MACROD2: variants seen among roughly 807,000 people sequenced by gnomAD.
MACROD2 encodes ADP-ribose glycohydrolase MACROD2.
In MACROD2, 36 loss-of-function variants were observed where a neutral mutation model predicts 70.4. The observed-to-expected ratio is 0.51, with a 90% CI of 0.39 to 0.68. The LOEUF (loss-of-function observed/expected upper bound fraction) is 0.68, where lower values mean the gene tolerates loss of function less well. Among genes scored for constraint, MACROD2 ranks in the 30% least tolerant of loss-of-function variants. The pLI, the probability that MACROD2 is intolerant of heterozygous loss-of-function variation, is 0.00. For synonymous variants in MACROD2, 172 were observed against 178.8 expected (o/e 0.96, Z 0.30); for missense variants, 496 against 538.4 (o/e 0.92, Z 0.78).
intron 3 of MACROD2, among the ~76,000 whole-genome samples, chr20:14,485,164 A>G (rs1429023374): frequency 6.6e-6 from 1 of 152,168 alleles, no homozygotes; most frequent in South Asian, 2.1e-4. Context: ...ACACACATAC[A>G]CAGACACACA....
chr20:15,620,239 G>T (rs1459374848), intron 8 of MACROD2, among the ~76,000 whole-genome samples: 1 of 152,132 alleles, frequency 6.6e-6, no homozygotes, highest in Non-Finnish European at 1.5e-5. Context: ...AAGAAGGAAC[G>T]AATGAGTGTG....
chr20:14,030,698 G>A (rs1329400728), intron 2 of MACROD2, among the ~76,000 whole-genome samples: 1 of 152,060 alleles, frequency 6.6e-6, no homozygotes, highest in Non-Finnish European at 1.5e-5. Context: ...GTATGAGCCA[G>A]AATTTTATTT....
At chr20:15,041,046 G>T (rs2075352418) in intron 5 of MACROD2, among the ~76,000 whole-genome samples, 1 of 152,132 alleles carries the variant, frequency 6.6e-6, no homozygotes, top group African/African-American at 2.4e-5. Flanking sequence ...GGTATGACTT[G>T]TTATATGGAT....
chr20:15,095,080 T>C (rs1414947534), intron 5 of MACROD2, among the ~76,000 whole-genome samples: 2 of 93,020 alleles, frequency 2.2e-5, no homozygotes, highest in Admixed American at 1.2e-4. Flanking sequence ...TTTTTTTTTT[T>C]TTTTTTTTTT....
chr20:15,163,362 T>C (rs2076361414), intron 5 of MACROD2, among the ~76,000 whole-genome samples: 1 of 150,386 alleles, frequency 6.6e-6, no homozygotes, highest in Non-Finnish European at 1.5e-5. Flanking sequence ...TTTAAAAAGA[T>C]ATGATGTTAT....
chr20:14,393,771 A>G (rs761648276), intron 3 of MACROD2, among the ~76,000 whole-genome samples: 5 of 152,158 alleles, frequency 3.3e-5, no homozygotes, highest in Non-Finnish European at 7.4e-5. Flanking sequence ...CCCAGAATTC[A>G]TGTGTTGAAG....
intron 3 of MACROD2, among the ~76,000 whole-genome samples, chr20:14,247,300 G>T (rs945272629): frequency 2.6e-5 from 4 of 152,192 alleles, no homozygotes; most frequent in African/African-American, 9.7e-5. Context: ...CTAATAGATG[G>T]AAGGGTGGAA....
intron 5 of MACROD2, among the ~76,000 whole-genome samples, chr20:15,199,350 C>A (rs936882805): frequency 6.6e-6 from 1 of 152,000 alleles, no homozygotes; most frequent in Non-Finnish European, 1.5e-5. Context: ...GAAAAAGATC[C>A]TGTCTCAAAA....
chr20:14,603,747 A>T (rs1011754155), intron 4 of MACROD2, among the ~76,000 whole-genome samples: 1 of 152,194 alleles, frequency 6.6e-6, no homozygotes, highest in African/African-American at 2.4e-5. Flanking sequence ...ATTGTCATCA[A>T]TATTTCACAG....
chr20:15,207,005 G>T (rs1405823069), intron 5 of MACROD2, among the ~76,000 whole-genome samples: 1 of 151,810 alleles, frequency 6.6e-6, no homozygotes, highest in Non-Finnish European at 1.5e-5. Flanking sequence ...CAAAGTGCTG[G>T]GATTACAGGC....
intron 2 of MACROD2, among the ~76,000 whole-genome samples, chr20:14,074,418 T>C (rs889660050): frequency 1.5e-4 from 23 of 152,326 alleles, no homozygotes; most frequent in Admixed American, 1.4e-3. Context: ...TCCTGACTGA[T>C]TGATCTGGGA....
chr20:14,643,423 C>T (rs1326562361), intron 4 of MACROD2, among the ~76,000 whole-genome samples: 16 of 152,148 alleles, frequency 1.1e-4, no homozygotes, highest in Non-Finnish European at 2.9e-5. Flanking sequence ...TGTGATAACT[C>T]ATACCTGGCA....
chr20:14,194,925 A>G (rs975245107), intron 3 of MACROD2, among the ~76,000 whole-genome samples: 2 of 152,180 alleles, frequency 1.3e-5, no homozygotes, highest in Non-Finnish European at 2.9e-5. Context: ...AATATTACCA[A>G]ATCTAACCTG....
intron 12 of MACROD2, among the ~76,000 whole-genome samples, chr20:15,946,576 A>G (rs998537750): frequency 3.3e-5 from 5 of 152,198 alleles, no homozygotes; most frequent in African/African-American, 1.2e-4. Flanking sequence ...TATCAATATT[A>G]GTTATATACT....
intron 6 of MACROD2, among the ~76,000 whole-genome samples, chr20:15,264,969 G>C (rs900549628): frequency 2.6e-5 from 4 of 152,066 alleles, no homozygotes; most frequent in African/African-American, 4.8e-5. Flanking sequence ...ATACTTCTGG[G>C]TATTGTTTTC....
intron 5 of MACROD2, among the ~76,000 whole-genome samples, chr20:14,778,547 A>G (rs73264643): frequency 0.13 from 20,039 of 152,094 alleles, 2,503 homozygotes; most frequent in African/African-American, 0.33. Flanking sequence ...ATGAATTCAG[A>G]AGGCTCTCAG....
chr20:15,955,201 C>T (rs937406988), intron 12 of MACROD2, among the ~76,000 whole-genome samples: 2 of 152,006 alleles, frequency 1.3e-5, no homozygotes, highest in African/African-American at 4.8e-5. Context: ...ATCAGAAGAC[C>T]TATTTTAGGT....
intron 5 of MACROD2, among the ~76,000 whole-genome samples, chr20:15,111,919 C>A (rs546989596): frequency 1.4e-4 from 22 of 152,334 alleles, no homozygotes; most frequent in African/African-American, 5.0e-4. Context: ...CTAATGCAAG[C>A]TCTTGAAAAC....
Position 15,322,073 on chromosome 20 carries a change from G to T in MACROD2, c.540+92012G>T, listed in dbSNP as rs1036628896. On this transcript the variant is annotated intron_variant, in intron 6 of 17. Transcript: ENST00000684519. ...CCCAAAGTGCTGGGATTACAGGCATGAGCCACTGCACCCGGCCACTACACA... is the reference window on the plus strand; with the variant it reads ...CCCAAAGTGCTGGGATTACAGGCATTAGCCACTGCACCCGGCCACTACACA... Among the ~76,000 whole-genome samples the T allele has an allele frequency of 1.4e-5, 2 of 144,134 alleles. 1 individual carries two copies. Among genetic ancestry groups the T allele is most frequent in the East Asian group, 4.0e-4 (2 of 4,984 alleles). 94.6% of individuals were successfully genotyped at this position (144,134 alleles called of 152,430 possible). A position where few individuals can be genotyped will look rare whatever the true frequency, so the allele number is the denominator to read the frequency against.
Sources: allele counts gnomAD v4.1 joint callset (sites outside exome capture counted in the v4.1 genomes callset), GRCh38; gene constraint gnomAD v4.1.1; transcripts MANE v1.5; gene names NCBI Gene and HGNC (gene_info 2026-07-23, HGNC 2026-07-21).